ZNF81: variants seen among roughly 807,000 people sequenced by gnomAD.
The protein encoded by ZNF81 is zinc finger protein 81.
A neutral mutation model predicts 32.3 loss-of-function variants in ZNF81; 5 were observed. The ratio of observed to expected loss-of-function variants is 0.15; its 90% CI spans 0.08 to 0.33. ZNF81 has a LOEUF of 0.33. Ranked by LOEUF, ZNF81 falls within the 10% of genes least tolerant of loss-of-function variation. ZNF81 has a pLI of 1.00. For synonymous variants in ZNF81, 163 were observed against 166.8 expected, an observed-to-expected ratio of 0.98 and a Z score of 0.17; for missense variants, 379 against 479.8, an observed-to-expected ratio of 0.79 and a Z score of 1.96.
chrX:47,916,966 A>G lies in ZNF81; in HGVS notation c.*334A>G, dbSNP rs1432678038. ...TTCTTTATAGGAAGGAGAGTGCAAA[A>G]TTATGTAAATGATGGTCAGGTTTAC... On this transcript the variant is annotated 3_prime_UTR_variant, in exon 5 of 5. Coordinates refer to ENST00000338637, the MANE Select transcript of ZNF81 (RefSeq NM_007137.5). 1 of 276,834 alleles carries G rather than the reference A, an allele frequency of 3.6e-6. No individual in the cohort carries two copies. The highest frequency in any genetic ancestry group is 6.3e-6 in the Non-Finnish European group (1 of 157,930). 22.8% of individuals were successfully genotyped at this position (276,834 alleles called of 1,213,427 possible). A position where few individuals can be genotyped will look rare whatever the true frequency, so the allele number is the denominator to read the frequency against.
chrX:47,845,782 A>G (rs1603164438), intron 1 of ZNF81, among the ~76,000 whole-genome samples: 1 of 112,445 alleles, frequency 8.9e-6, no homozygotes, highest in East Asian at 2.8e-4. Context: ...AGCGCTAAGT[A>G]CCATTGAAAC....
chrX:47,893,609 C>G (rs2058669661), intron 3 of ZNF81, among the ~76,000 whole-genome samples: 1 of 109,769 alleles, frequency 9.1e-6, no homozygotes, highest in Non-Finnish European at 1.9e-5. Context: ...AAAGAGAAAC[C>G]TAGGAGACTA....
chrX:47,856,901 A>G (rs1193916383), intron 2 of ZNF81, among the ~76,000 whole-genome samples: 1 of 111,790 alleles, frequency 8.9e-6, no homozygotes, highest in Non-Finnish European at 1.9e-5. Flanking sequence ...AGCTGAAATC[A>G]TGCCACTGCA....
At chrX:47,869,581 C>T (rs1556883659) in intron 2 of ZNF81, among the ~76,000 whole-genome samples, 1 of 112,364 alleles carries the variant, frequency 8.9e-6, no homozygotes, top group East Asian at 2.8e-4. Context: ...ATCTCAATAC[C>T]AGTGTAAGTT....
chrX:47,880,602 A>G (rs781851598), intron 2 of ZNF81, among the ~76,000 whole-genome samples: 2 of 112,232 alleles, frequency 1.8e-5, no homozygotes, highest in South Asian at 7.4e-4. Context: ...GTACCCTGAA[A>G]TGAAGTACTT....
intron 2 of ZNF81, among the ~76,000 whole-genome samples, chrX:47,874,132 T>C (rs782512479): frequency 6.2e-5 from 7 of 112,185 alleles, no homozygotes; most frequent in Admixed American, 9.4e-5. Flanking sequence ...CTGGTAAATT[T>C]TGAGAAAGCC....
At chrX:47,913,382 G>C (rs782231100) in intron 4 of ZNF81, among the ~76,000 whole-genome samples, 1 of 110,990 alleles carries the variant, frequency 9.0e-6, no homozygotes, top group African/African-American at 3.3e-5. Context: ...CTGGCTTGGT[G>C]GGGTATGGTC....
At position 47,890,910 on chromosome X, in the gene ZNF81, A is replaced by T. The variant is rs782147265; in HGVS notation, c.181+2785A>T. Among the ~76,000 whole-genome samples the T allele has an allele frequency of 4.5e-5, 5 of 111,094 alleles. No homozygotes were observed. The East Asian group carries it at 1.4e-3, about 31-fold the overall frequency. ...TTTCCCTGAGGTGTAAGGCCCTTAA[A>T]TTTTTTTTCAGATTTATTTCCCACT... is the stretch of plus-strand genomic sequence containing the variant. On this transcript the variant is annotated intron_variant, in intron 3 of 4. Transcript: ENST00000338637.
chrX:47,897,219 A>G (rs1486300091), intron 4 of ZNF81, among the ~76,000 whole-genome samples: 1 of 112,360 alleles, frequency 8.9e-6, no homozygotes, highest in Non-Finnish European at 1.9e-5. Context: ...CTCTTGCTCT[A>G]CATCCTCGTC....
intron 2 of ZNF81, among the ~76,000 whole-genome samples, chrX:47,877,625 T>C (rs782438119): frequency 5.8e-4 from 65 of 111,978 alleles, no homozygotes; most frequent in African/African-American, 2.0e-3. Flanking sequence ...TCTACAGCCA[T>C]GGCCACATTG....
intron 2 of ZNF81, among the ~76,000 whole-genome samples, chrX:47,884,517 G>C (rs1201998292): frequency 9.0e-6 from 1 of 110,925 alleles, no homozygotes; most frequent in African/African-American, 3.3e-5. Context: ...GTGATTGTTG[G>C]TAAGATTCAG....
chrX:47,862,119 C>T (rs782446715), intron 2 of ZNF81, among the ~76,000 whole-genome samples: 2 of 111,454 alleles, frequency 1.8e-5, no homozygotes, highest in South Asian at 7.6e-4. Flanking sequence ...TTGAGGGTTA[C>T]GTGAACCGCT....
intron 2 of ZNF81, among the ~76,000 whole-genome samples, chrX:47,873,233 G>A (rs781932391): frequency 8.9e-6 from 1 of 111,980 alleles, no homozygotes; most frequent in African/African-American, 3.2e-5. Context: ...ACAAGTAGAA[G>A]GCTGACCTGA....
In ZNF81 at chrX:47,916,727, A is replaced by T; in HGVS notation, c.*95A>T. ...AAAATTCATCCAAGACAGATCCTATATGAATACATTGTATAAGGAAAAGCA... is the reference window on the plus strand; with the variant it reads ...AAAATTCATCCAAGACAGATCCTATTTGAATACATTGTATAAGGAAAAGCA... On this transcript the variant is annotated 3_prime_UTR_variant, in exon 5 of 5. Coordinates refer to ENST00000338637, the MANE Select transcript of ZNF81 (RefSeq NM_007137.5). 1 of 922,798 alleles carries T rather than the reference A, an allele frequency of 1.1e-6. No homozygotes were observed. The highest frequency in any genetic ancestry group is 1.5e-6 in the Non-Finnish European group (1 of 688,126). The allele number at this position is 922,798 out of a possible 1,213,427, so 76.0% of individuals were successfully genotyped here. A position where few individuals can be genotyped will look rare whatever the true frequency, so the allele number is the denominator to read the frequency against.
chrX:47,847,226 A>G (rs2058474420), intron 2 of ZNF81, among the ~76,000 whole-genome samples: 1 of 111,443 alleles, frequency 9.0e-6, no homozygotes, highest in Non-Finnish European at 1.9e-5. Context: ...TGCCATTATT[A>G]TCTTTAGAGA....
chrX:47,881,833 G>A (rs1031324229), intron 2 of ZNF81, among the ~76,000 whole-genome samples: 5 of 109,415 alleles, frequency 4.6e-5, no homozygotes, highest in African/African-American at 1.7e-4. Flanking sequence ...TTGGAATGCA[G>A]TGGTGCATCC....
intron 2 of ZNF81, among the ~76,000 whole-genome samples, chrX:47,876,513 A>G (rs2058600190): frequency 8.9e-6 from 1 of 112,087 alleles, no homozygotes; most frequent in Non-Finnish European, 1.9e-5. Context: ...TGATGCAGAT[A>G]TAAGCCTGAG....
intron 2 of ZNF81, 147 bp from the exon 3 acceptor site, chrX:47,887,852 A>G: frequency 1.8e-6 from 1 of 559,467 alleles, no homozygotes; most frequent in Non-Finnish European, 2.8e-6. Flanking sequence ...ACAATATTAC[A>G]TATGTGTATA....
chrX:47,855,143 C>A (rs573554443), intron 2 of ZNF81, among the ~76,000 whole-genome samples: 2 of 94,739 alleles, frequency 2.1e-5, no homozygotes, highest in South Asian at 1.1e-3. Flanking sequence ...AAAAAAAATT[C>A]TAACAATCAA....
Sources: gnomAD v4.1 joint callset for allele counts (sites outside exome capture counted in the v4.1 genomes callset) on GRCh38, gnomAD v4.1.1 for gene constraint, MANE v1.5 for transcripts, NCBI Gene and HGNC (gene_info 2026-07-23, HGNC 2026-07-21) for gene names.